Variants in PRRC2C observed in about 807,000 individuals in gnomAD.
The protein encoded by PRRC2C is proline rich coiled-coil 2C.
Under a neutral mutation model 317.2 loss-of-function variants are expected in PRRC2C, and 72 were observed. The observed-to-expected ratio is 0.23, with a 90% CI of 0.19 to 0.28. PRRC2C has a LOEUF of 0.28. Among genes scored for constraint, PRRC2C ranks in the 10% least tolerant of loss-of-function variants. The pLI is 1.00. For missense variants in PRRC2C, 3,074 were observed against 3,459.7 expected, an observed-to-expected ratio of 0.89 and a Z score of 2.80; for synonymous variants, 1,296 against 1,205.9, an observed-to-expected ratio of 1.07 and a Z score of -1.55.
chr1:171,514,763 T>C (rs1223992217), intron 4 of PRRC2C, 118 bp downstream of exon 4: 3 of 860,978 alleles, frequency 3.5e-6, no homozygotes, highest in African/African-American at 3.5e-5. Context: ...AAGGATATAC[T>C]CAAGGCTCTT....
intron 5 of PRRC2C, among the ~76,000 whole-genome samples, chr1:171,517,195 G>A (rs1415477961): frequency 6.6e-6 from 1 of 152,184 alleles, no homozygotes; most frequent in African/African-American, 2.4e-5. Flanking sequence ...AGACAAATGA[G>A]AATATCACTG....
intron 6 of PRRC2C, among the ~76,000 whole-genome samples, chr1:171,520,734 G>A (rs758296822): frequency 6.7e-6 from 1 of 149,010 alleles, no homozygotes; most frequent in East Asian, 2.0e-4. Flanking sequence ...CCCCAGCTGA[G>A]TTTCAGCTGT....
Position 171,540,495 on chromosome 1 carries a change from G to C in PRRC2C, c.3029G>C (p.Arg1010Thr). The change falls in exon 16 of 35, where the codon AGA becomes ACA. Residue 1010 changes from arginine (R) to threonine (T), a missense_variant. Transcript: ENST00000647382. The part of the protein sequence containing the change: ...SSNRREEVND[R>T]PVRRSGPIKK... ...AACAGAAGGGAAGAAGTTAATGATA[G>C]ACCTGTGAGAAGATCAGGTCCCATT... 1.2e-6 allele frequency: 2 copies of C among 1,613,048 alleles called. No individual in the cohort carries two copies. The highest frequency in any genetic ancestry group is 1.7e-6 in the Non-Finnish European group (2 of 1,179,670).
intron 1 of PRRC2C, among the ~76,000 whole-genome samples, chr1:171,500,803 CTTCTTTCATTTCTTTTTTTCCTCCCCCCA>C: frequency 6.6e-6 from 1 of 152,146 alleles, no homozygotes; most frequent in East Asian, 1.9e-4. Context: ...TCCTAAACTT[CTTCTTTCATTTCTTTTTTTCCTCCCCCCA>C]AAAACAAAAC....
chr1:171,550,480 T>A (rs901252111), intron 18 of PRRC2C, among the ~76,000 whole-genome samples: 4 of 151,810 alleles, frequency 2.6e-5, no homozygotes, highest in African/African-American at 9.7e-5. Flanking sequence ...TTTTTTTTTT[T>A]TAAATACTGT....
intron 13 of PRRC2C, 25 bp from the exon 14 acceptor site, chr1:171,536,004 A>G (rs1676766053): frequency 6.4e-6 from 10 of 1,551,590 alleles, no homozygotes; most frequent in Non-Finnish European, 8.7e-6. Flanking sequence ...CTAAACTCTC[A>G]AGATATGGGA....
intron 6 of PRRC2C, 41 bp from the exon 7 acceptor site, chr1:171,522,136 G>T (rs746907740): frequency 8.7e-7 from 1 of 1,154,760 alleles, no homozygotes; most frequent in Non-Finnish European, 1.2e-6. Context: ...AAAATAACTA[G>T]GTTGCTAAAT....
chr1:171,492,779 G>C (rs536739572), intron 1 of PRRC2C, among the ~76,000 whole-genome samples: 13 of 86,268 alleles, frequency 1.5e-4, no homozygotes, highest in Admixed American at 1.0e-3. Context: ...TAGAGACAGA[G>C]TCTCTCTCTG....
chr1:171,486,780 G>T (rs1251143120), intron 1 of PRRC2C, among the ~76,000 whole-genome samples: 1 of 152,078 alleles, frequency 6.6e-6, no homozygotes, highest in African/African-American at 2.4e-5. Flanking sequence ...GTACTTAATA[G>T]CTTACTCCTG....
chr1:171,520,222 C>G (rs1428606501), intron 6 of PRRC2C, among the ~76,000 whole-genome samples: 1 of 152,180 alleles, frequency 6.6e-6, no homozygotes, highest in Non-Finnish European at 1.5e-5. Context: ...CTCGGCCTCC[C>G]AAAGTGCTGG....
chr1:171,521,536 C>G (rs1673554900), intron 6 of PRRC2C, among the ~76,000 whole-genome samples: 1 of 152,212 alleles, frequency 6.6e-6, no homozygotes, highest in Non-Finnish European at 1.5e-5. Context: ...GGGTAGCTCT[C>G]TGTCCCCCTT....
intron 2 of PRRC2C, chr1:171,512,637 G>T: frequency 4.4e-6 from 1 of 229,156 alleles, no homozygotes; most frequent in Non-Finnish European, 8.6e-6. Flanking sequence ...ATCATGCATG[G>T]CATATTAACA....
chr1:171,501,655 A>G (rs1295519118), intron 1 of PRRC2C, among the ~76,000 whole-genome samples: 2 of 152,210 alleles, frequency 1.3e-5, no homozygotes, highest in African/African-American at 2.4e-5. Context: ...TAATATAAAA[A>G]GTACTAACAT....
At chr1:171,552,722 A>G (rs1384192372) in intron 18 of PRRC2C, among the ~76,000 whole-genome samples, 1 of 152,092 alleles carries the variant, frequency 6.6e-6, no homozygotes, top group Non-Finnish European at 1.5e-5. Flanking sequence ...TGAGATAATC[A>G]TGTGGTTTTT....
rs1277521503 is a variant in PRRC2C, at chr1:171,557,563, C to T, written c.5451C>T (p.Val1817=). The T allele has an allele frequency of 6.4e-7, 1 of 1,551,114 alleles. No homozygotes were observed. Among genetic ancestry groups the T allele is most frequent in the Admixed American group, 2.0e-5 (1 of 50,976 alleles). The change falls in exon 19 of 35, where the codon GTC becomes GTT. Residue 1817 remains valine, a synonymous_variant. Transcript: ENST00000647382. ...CTCCAGTTTCAGCCTCAGCCTCAGT[C>T]TCAGCTTCAGTTCCAGCCTCTACTT... The part of the protein sequence containing the change: ...PLAPVSASAS[V]SASVPASTSA...
intron 28 of PRRC2C, among the ~76,000 whole-genome samples, chr1:171,583,408 C>G (rs1480174247): frequency 1.3e-5 from 2 of 151,962 alleles, no homozygotes; most frequent in African/African-American, 4.8e-5. Context: ...AATATACTTT[C>G]ATCTACCTCC....
Position 171,532,465 on chromosome 1 carries a change from A to G in PRRC2C, c.1377A>G (p.Ala459=), listed in dbSNP as rs1269712862. The G allele has an allele frequency of 2.5e-6, 4 of 1,613,536 alleles. No homozygotes were observed. The highest frequency in any genetic ancestry group is 3.3e-4 in the Middle Eastern group (2 of 6,082). The part of the protein sequence containing the change: ...QRRRQQSEIS[A]AVERARKRRE... ...GAAGACAACAATCAGAAATTTCTGC[A>G]GCAGTAGAACGTGCTCGTAAACGGC... The change falls in exon 12 of 35, where the codon GCA becomes GCG. Residue 459 remains alanine, a synonymous_variant. Coordinates refer to ENST00000647382, the MANE Select transcript of PRRC2C (RefSeq NM_001387844.1).
chr1:171,488,494 T>C (rs1423169174), intron 1 of PRRC2C, among the ~76,000 whole-genome samples: 3 of 152,220 alleles, frequency 2.0e-5, no homozygotes, highest in African/African-American at 7.2e-5. Flanking sequence ...AGGGTAACTT[T>C]AGTAAATTTT....
intron 1 of PRRC2C, 122 bp downstream of exon 1, chr1:171,485,857 G>GGA (rs1486587726): frequency 6.6e-6 from 1 of 152,284 alleles, no homozygotes; most frequent in Non-Finnish European, 1.5e-5. Flanking sequence ...GGGGCCGCGT[G>GGA]GAGAGGGCCT....
Sources: allele counts gnomAD v4.1 joint callset (sites outside exome capture counted in the v4.1 genomes callset), GRCh38; gene constraint gnomAD v4.1.1; transcripts MANE v1.5; gene names NCBI Gene and HGNC (gene_info 2026-07-23, HGNC 2026-07-21).